The following CDH2 variants were observed in gnomAD, a reference collection of about 807,000 sequenced individuals.
CDH2 encodes cadherin 2.
Under a neutral mutation model 92.0 loss-of-function variants are expected in CDH2, and 17 were observed. That is an observed-to-expected ratio of 0.18 (90% CI 0.13 to 0.28). CDH2 has a LOEUF of 0.28. Among genes scored for constraint, CDH2 ranks in the 10% least tolerant of loss-of-function variants. CDH2 has a pLI of 1.00. For missense variants in CDH2, 862 were observed against 1,133.1 expected, an observed-to-expected ratio of 0.76 and a Z score of 3.44; for synonymous variants, 419 against 415.9, an observed-to-expected ratio of 1.01 and a Z score of -0.09.
At position 28,073,444 on chromosome 18, in the gene CDH2, A is replaced by T. The variant is rs914631668; in HGVS notation, c.173-59535T>A. On this transcript the variant is annotated intron_variant, in intron 2 of 15. Transcript: ENST00000269141. ...GATTGTTTTTTCCTTGCAAATTGTA[A>T]ATCAAACCTTGAAGATATAGAAAAT... Among the ~76,000 whole-genome samples, 4 of 152,152 alleles carry T rather than the reference A, an allele frequency of 2.6e-5. No individual in the cohort carries two copies. The East Asian group carries it at 7.7e-4, about 29-fold the overall frequency.
chr18:28,164,685 C>A (rs1480454944), intron 1 of CDH2, among the ~76,000 whole-genome samples: 2 of 152,044 alleles, frequency 1.3e-5, no homozygotes, highest in Admixed American at 6.6e-5. Context: ...CACACATACT[C>A]CCACATGTGC....
chr18:28,140,860 TAACA>T (rs904063768), intron 2 of CDH2, among the ~76,000 whole-genome samples: 7 of 148,490 alleles, frequency 4.7e-5, no homozygotes, highest in Admixed American at 4.1e-4. Flanking sequence ...TTTAAAAAGC[TAACA>T]AACAATTTGA....
At chr18:28,172,717 C>T (rs1042017967) in intron 1 of CDH2, among the ~76,000 whole-genome samples, 1 of 152,130 alleles carries the variant, frequency 6.6e-6, no homozygotes, top group Non-Finnish European at 1.5e-5. Flanking sequence ...CAAATCTAAG[C>T]AGTGCCTAAA....
At chr18:28,121,080 A>T (rs573012541) in intron 2 of CDH2, among the ~76,000 whole-genome samples, 17 of 152,278 alleles carry the variant, frequency 1.1e-4, no homozygotes, top group African/African-American at 3.6e-4. Flanking sequence ...CACATTAAGT[A>T]TCCAGTGCTT....
intron 2 of CDH2, among the ~76,000 whole-genome samples, chr18:28,098,940 A>G (rs1279649976): frequency 6.6e-6 from 1 of 152,158 alleles, no homozygotes; most frequent in Non-Finnish European, 1.5e-5. Flanking sequence ...GACTTCACAA[A>G]TAAGGAAGAG....
chr18:28,050,239 A>T (rs2014164127), intron 2 of CDH2, among the ~76,000 whole-genome samples: 2 of 152,202 alleles, frequency 1.3e-5, no homozygotes, highest in African/African-American at 4.8e-5. Flanking sequence ...ATCATCACAA[A>T]TAGAGCCCAT....
intron 2 of CDH2, among the ~76,000 whole-genome samples, chr18:28,107,267 T>C (rs1396667744): frequency 6.6e-6 from 1 of 151,920 alleles, no homozygotes; most frequent in Non-Finnish European, 1.5e-5. Flanking sequence ...AGCTTTAAAG[T>C]GAAGTCTGTA....
intron 1 of CDH2, 60 bp downstream of exon 1, chr18:28,176,903 G>T: frequency 1.9e-6 from 2 of 1,035,258 alleles, no homozygotes; most frequent in Non-Finnish European, 2.4e-6. Flanking sequence ...GGGAACAAAG[G>T]GACCCGGCGC....
intron 2 of CDH2, among the ~76,000 whole-genome samples, chr18:28,133,826 T>C (rs1789464): frequency 0.049 from 7,486 of 152,048 alleles, 219 homozygotes; most frequent in South Asian, 0.1. Flanking sequence ...TGATGCTGCT[T>C]CATGATGGCT....
intron 1 of CDH2, among the ~76,000 whole-genome samples, chr18:28,148,852 T>A (rs944587751): frequency 4.6e-5 from 7 of 152,196 alleles, no homozygotes; most frequent in African/African-American, 1.7e-4. Context: ...TGTGAAATTT[T>A]GCAAATACTA....
At chr18:28,007,840 C>A (rs1221888822) in intron 5 of CDH2, among the ~76,000 whole-genome samples, 5 of 152,124 alleles carry the variant, frequency 3.3e-5, no homozygotes, top group Admixed American at 2.6e-4. Flanking sequence ...AGTGATTCTC[C>A]CACCTCAGCC....
At chr18:28,046,807 GCT>G (rs1468670289) in intron 2 of CDH2, among the ~76,000 whole-genome samples, 4 of 152,276 alleles carry the variant, frequency 2.6e-5, no homozygotes, top group South Asian at 2.1e-4. Flanking sequence ...AATGAACTTT[GCT>G]CTGAGCAAAA....
intron 6 of CDH2, among the ~76,000 whole-genome samples, chr18:27,935,647 G>A (rs144640208): frequency 1.3e-5 from 2 of 152,106 alleles, no homozygotes; most frequent in Non-Finnish European, 2.9e-5. Flanking sequence ...TGTAGTGTCT[G>A]GCCACATGAC....
At chr18:28,100,509 A>T (rs1423646398) in intron 2 of CDH2, among the ~76,000 whole-genome samples, 1 of 152,192 alleles carries the variant, frequency 6.6e-6, no homozygotes, top group Non-Finnish European at 1.5e-5. Context: ...CAGATTCCAT[A>T]ATCCCATGAG....
intron 2 of CDH2, among the ~76,000 whole-genome samples, chr18:28,053,418 T>C (rs2014231118): frequency 6.6e-6 from 1 of 152,190 alleles, no homozygotes; most frequent in African/African-American, 2.4e-5. Flanking sequence ...CAGTGAGTAA[T>C]TTACCTGTCA....
intron 2 of CDH2, among the ~76,000 whole-genome samples, chr18:28,084,649 T>C (rs2144197761): frequency 6.6e-6 from 1 of 152,058 alleles, no homozygotes; most frequent in Non-Finnish European, 1.5e-5. Flanking sequence ...TACCAGCTTA[T>C]GGGCCAGCTA....
At chr18:28,052,834 G>T (rs2014218658) in intron 2 of CDH2, among the ~76,000 whole-genome samples, 1 of 152,122 alleles carries the variant, frequency 6.6e-6, no homozygotes, top group Admixed American at 6.6e-5. Flanking sequence ...TATTCTGTGG[G>T]TAATGGGCTG....
intron 2 of CDH2, among the ~76,000 whole-genome samples, chr18:28,054,092 C>A (rs1347182123): frequency 6.6e-6 from 1 of 152,086 alleles, no homozygotes; most frequent in Non-Finnish European, 1.5e-5. Flanking sequence ...AGGACTGGAT[C>A]CTGTAGGGAG....
chr18:28,016,117 C>T (rs2013239691), intron 2 of CDH2, among the ~76,000 whole-genome samples: 1 of 152,184 alleles, frequency 6.6e-6, no homozygotes, highest in Non-Finnish European at 1.5e-5. Context: ...TGGAACTGCT[C>T]TAAATTTTTT....
Sources: gnomAD v4.1 joint callset for allele counts (sites outside exome capture counted in the v4.1 genomes callset) on GRCh38, gnomAD v4.1.1 for gene constraint, MANE v1.5 for transcripts, NCBI Gene and HGNC (gene_info 2026-07-23, HGNC 2026-07-21) for gene names.